The following ZC3HAV1 variants were observed in gnomAD, a reference collection of about 807,000 sequenced individuals.
The protein encoded by ZC3HAV1 is zinc finger CCCH-type antiviral protein 1.
In ZC3HAV1, 41 loss-of-function variants were observed where a neutral mutation model predicts 86.6. The observed-to-expected ratio is 0.47, with a 90% CI of 0.37 to 0.61. ZC3HAV1 has a LOEUF of 0.61. Ranked by LOEUF, ZC3HAV1 falls within the 20% of genes least tolerant of loss-of-function variation. The probability of loss-of-function intolerance (pLI) is 0.00; values close to 1 mark genes in which losing one functional copy is unlikely to be tolerated. For missense variants in ZC3HAV1, 964 were observed against 1,141.1 expected (o/e 0.84, Z 2.24); for synonymous variants, 421 against 432.1 (o/e 0.97, Z 0.32).
chr7:139,068,733 C>T (rs1167621724), intron 7 of ZC3HAV1, among the ~76,000 whole-genome samples: 1 of 152,236 alleles, frequency 6.6e-6, no homozygotes, highest in Non-Finnish European at 1.5e-5. Context: ...TCACACTGCA[C>T]TTGTCATGTT....
rs1255588889 is a variant in ZC3HAV1, at chr7:139,057,699, C to T, written c.2097-2404G>A. Among the ~76,000 whole-genome samples the T allele has an allele frequency of 7.5e-5, 6 of 79,624 alleles. 1 individual carries two copies. Among genetic ancestry groups the T allele is most frequent in the Non-Finnish European group, 1.4e-4 (6 of 41,470 alleles). 52.2% of individuals were successfully genotyped at this position (79,624 alleles called of 152,430 possible). On this transcript the variant is annotated intron_variant, in intron 9 of 12. Coordinates refer to ENST00000242351, the MANE Select transcript of ZC3HAV1 (RefSeq NM_020119.4). ...GACTACAGGCGCCCGCCACCACGCC[C>T]GGCTAATTTTTTTGTTATTTTTAGT... is the stretch of plus-strand genomic sequence containing the variant.
chr7:139,060,982 AG>A, intron 9 of ZC3HAV1, 53 bp downstream of exon 9: 1 of 1,610,888 alleles, frequency 6.2e-7, no homozygotes, highest in South Asian at 1.1e-5. Context: ...TGATGAGCCC[AG>A]GGCATGAACA....
chr7:139,065,272 T>C (rs893512351), intron 7 of ZC3HAV1, among the ~76,000 whole-genome samples: 2 of 152,184 alleles, frequency 1.3e-5, no homozygotes, highest in African/African-American at 4.8e-5. Context: ...TTTTACAGCC[T>C]TCCATAAAAT....
chr7:139,060,648 C>G, intron 9 of ZC3HAV1: 1 of 1,083,202 alleles, frequency 9.2e-7, no homozygotes, highest in Non-Finnish European at 1.1e-6. Flanking sequence ...CAAGACCAGC[C>G]TGGGCAACAA....
chr7:139,083,724 C>G, intron 3 of ZC3HAV1, 56 bp downstream of exon 3: 2 of 1,312,304 alleles, frequency 1.5e-6, no homozygotes, highest in South Asian at 1.4e-5. Flanking sequence ...GAGACTCTGT[C>G]TCAAAAAAAA....
chr7:139,101,500 G>A (rs1343165406), intron 1 of ZC3HAV1, among the ~76,000 whole-genome samples: 25 of 99,984 alleles, frequency 2.5e-4, no homozygotes, highest in East Asian at 1.1e-3. Flanking sequence ...CCACCACCCC[G>A]TCTGGGAGGT....
At chr7:139,071,616 C>T (rs774692862) in intron 7 of ZC3HAV1, among the ~76,000 whole-genome samples, 4 of 152,126 alleles carry the variant, frequency 2.6e-5, no homozygotes, top group Non-Finnish European at 5.9e-5. Flanking sequence ...CTTGAGCATA[C>T]AAAGAATCTG....
In ZC3HAV1 at chr7:139,083,899, A is replaced by G. The variant is rs1459411713; in HGVS notation, c.578T>C (p.Leu193Pro). 6.2e-7 allele frequency: 1 copy of G among 1,613,944 alleles called. No homozygotes were observed. The highest frequency in any genetic ancestry group is 8.5e-7 in the Non-Finnish European group (1 of 1,180,016). The change falls in exon 3 of 13, where the codon CTG (leucine) becomes CCG (proline). Residue 193 changes from leucine to proline, a missense_variant. Transcript: ENST00000242351. Reference sequence around the variant, plus strand: ...GATGGCCAGCACCTTTCTGTCCATCAGGTTATGGGACCGGAGGCAGTTGGG... The same window carrying G: ...GATGGCCAGCACCTTTCTGTCCATCGGGTTATGGGACCGGAGGCAGTTGGG... Reference protein sequence around the residue: ...RFPNCLRSHNLMDRKVLAIMR... With the variant: ...RFPNCLRSHNPMDRKVLAIMR...
In ZC3HAV1 at chr7:139,109,440, G is replaced by T; in HGVS notation, c.-109C>A. ...GCGGGCGCGGGCGGTGCTACTGCTG[G>T]GCGCGCCCGGAGTCAGCGAGGGCGC... On this transcript the variant is annotated 5_prime_UTR_variant, in exon 1 of 13. Coordinates refer to ENST00000242351, the MANE Select transcript of ZC3HAV1 (RefSeq NM_020119.4). 7.3e-7 allele frequency: 1 copy of T among 1,368,648 alleles called. No individual in the cohort carries two copies. The highest frequency in any genetic ancestry group is 9.6e-7 in the Non-Finnish European group (1 of 1,042,378). 84.8% of individuals were successfully genotyped at this position (1,368,648 alleles called of 1,614,324 possible).
chr7:139,055,610 A>C (rs546684052), intron 9 of ZC3HAV1, among the ~76,000 whole-genome samples: 2 of 152,350 alleles, frequency 1.3e-5, no homozygotes, highest in East Asian at 3.9e-4. Context: ...GCATTAAGCA[A>C]ATGTGTCTTA....
At chr7:139,085,484 G>A (rs1049460543) in intron 2 of ZC3HAV1, among the ~76,000 whole-genome samples, 10 of 152,194 alleles carry the variant, frequency 6.6e-5, no homozygotes, top group Admixed American at 5.9e-4. Flanking sequence ...GGCTGAGTGT[G>A]TGGCTTCCCA....
Position 139,079,532 on chromosome 7 carries a change from C to A in ZC3HAV1, c.1409G>T (p.Arg470Leu). 1 of 1,614,148 alleles carries A rather than the reference C, an allele frequency of 6.2e-7. No homozygotes were observed. The highest frequency in any genetic ancestry group is 8.5e-7 in the Non-Finnish European group (1 of 1,180,014). ...GATTCTGCCAGTGGCCTGGACATCT[C>A]GGGAAGCAGGTCCAGCATCCTGAAT... ...PRIQDAGPAS[R>L]DVQATGRIAD... The change falls in exon 4 of 13, where the codon CGA becomes CTA. Residue 470 changes from arginine to leucine, a missense_variant. Arg to Leu is a moderately radical substitution (Grantham distance 102, BLOSUM62 -2). Transcript: ENST00000242351.
intron 1 of ZC3HAV1, among the ~76,000 whole-genome samples, chr7:139,101,498 C>G (rs1450233335): frequency 5.7e-5 from 6 of 105,580 alleles, no homozygotes; most frequent in Non-Finnish European, 9.3e-5. Context: ...GGCCACCACC[C>G]CGTCTGGGAG....
At chr7:139,063,027 C>CAAAAAAAAAAAAAAAAAAA (rs58859916) in intron 8 of ZC3HAV1, among the ~76,000 whole-genome samples, 6 of 68,088 alleles carry the variant, frequency 8.8e-5, no homozygotes, top group Non-Finnish European at 1.4e-4. Context: ...GACTCTGTCT[C>CAAAAAAAAAAAAAAAAAAA]AAAAAAAAAA....
intron 8 of ZC3HAV1, among the ~76,000 whole-genome samples, chr7:139,064,167 C>CA (rs910518828): frequency 3.6e-4 from 55 of 152,300 alleles, no homozygotes; most frequent in African/African-American, 1.3e-3. Flanking sequence ...GTACAGGATC[C>CA]AACTGCAGGT....
At chr7:139,097,814 G>C (rs1034241931) in intron 1 of ZC3HAV1, among the ~76,000 whole-genome samples, 5 of 151,926 alleles carry the variant, frequency 3.3e-5, no homozygotes, top group African/African-American at 7.3e-5. Context: ...CTGGAGGAGT[G>C]GGGGGACTCC....
intron 1 of ZC3HAV1, among the ~76,000 whole-genome samples, chr7:139,094,968 A>G (rs1563139693): frequency 6.6e-6 from 1 of 150,396 alleles, no homozygotes; most frequent in Non-Finnish European, 1.5e-5. Context: ...AAAAAGAGAC[A>G]GTAACCCGAG....
intron 1 of ZC3HAV1, among the ~76,000 whole-genome samples, chr7:139,095,131 A>C (rs1817546659): frequency 1.3e-5 from 2 of 152,178 alleles, no homozygotes; most frequent in Non-Finnish European, 2.9e-5. Context: ...CCATGATATA[A>C]GCCAGGTAAA....
At chr7:139,068,026 TA>T in intron 7 of ZC3HAV1, among the ~76,000 whole-genome samples, 1 of 48,428 alleles carries the variant, frequency 2.1e-5, no homozygotes, top group East Asian at 7.6e-4. Flanking sequence ...TTTCTTTCTT[TA>T]TTATTATTAT....
Sources: gnomAD v4.1 joint callset for allele counts (sites outside exome capture counted in the v4.1 genomes callset) on GRCh38, gnomAD v4.1.1 for gene constraint, MANE v1.5 for transcripts, NCBI Gene and HGNC (gene_info 2026-07-23, HGNC 2026-07-21) for gene names.